BRD10: variants seen among roughly 807,000 people sequenced by gnomAD.
BRD10 encodes bromodomain containing 10.
the BRD10 span, among the ~76,000 whole-genome samples, chr9:5,932,616 T>C: frequency 0.24 from 37,127 of 152,052 alleles, 4,715 homozygotes; most frequent in South Asian, 0.37. Flanking sequence ...CACCATTTTA[T>C]ATAAGGCACT....
chr9:5,908,520 A>C, the BRD10 span: 2 of 852,156 alleles, frequency 2.3e-6, no homozygotes, highest in Non-Finnish European at 3.8e-6. Flanking sequence ...TTATATGGGA[A>C]CACTTAGAAA....
At chr9:5,995,057 G>T in the BRD10 span, among the ~76,000 whole-genome samples, 1 of 151,908 alleles carries the variant, frequency 6.6e-6, no homozygotes, top group Non-Finnish European at 1.5e-5. Flanking sequence ...ATGCCACCAC[G>T]CCCGGCTAAT....
At chr9:5,897,765 T>C in the BRD10 span, 1 of 935,438 alleles carries the variant, frequency 1.1e-6, no homozygotes, top group Non-Finnish European at 1.7e-6. Flanking sequence ...CCTTCAGCTC[T>C]GATTCCGGCT....
the BRD10 span, chr9:6,007,343 C>T: frequency 1.2e-6 from 2 of 1,613,632 alleles, no homozygotes; most frequent in East Asian, 2.2e-5. Flanking sequence ...CCGTACTGGC[C>T]GCTGGCGAAC....
At chr9:5,880,310 G>C in the BRD10 span, among the ~76,000 whole-genome samples, 3 of 150,282 alleles carry the variant, frequency 2.0e-5, no homozygotes, top group Non-Finnish European at 3.0e-5. Flanking sequence ...TGAAGAGTTA[G>C]AGACCAGCCG....
At chr9:5,995,987 G>A in the BRD10 span, among the ~76,000 whole-genome samples, 1 of 152,108 alleles carries the variant, frequency 6.6e-6, no homozygotes, top group Non-Finnish European at 1.5e-5. Flanking sequence ...AACTGGGAAG[G>A]AGATTTGGGC....
the BRD10 span, among the ~76,000 whole-genome samples, chr9:5,940,417 A>T: frequency 0.052 from 7,929 of 151,496 alleles, 600 homozygotes; most frequent in African/African-American, 0.16. Context: ...CTGGTCTCGA[A>T]CTCCCAACCT....
At chr9:6,006,773 T>A in the BRD10 span, among the ~76,000 whole-genome samples, 1 of 152,216 alleles carries the variant, frequency 6.6e-6, no homozygotes, top group Non-Finnish European at 1.5e-5. Context: ...TTAAGACACC[T>A]TTTTACATAA....
At chr9:5,973,732 A>C in the BRD10 span, among the ~76,000 whole-genome samples, 1 of 151,986 alleles carries the variant, frequency 6.6e-6, no homozygotes, top group African/African-American at 2.4e-5. Flanking sequence ...CTTAAAAAAA[A>C]CGGGCCTGGT....
chr9:6,001,322 T>G, the BRD10 span, among the ~76,000 whole-genome samples: 1 of 127,736 alleles, frequency 7.8e-6, no homozygotes, highest in East Asian at 2.4e-4. Context: ...CGTTACTCCC[T>G]TAGTCGCAAC....
the BRD10 span, among the ~76,000 whole-genome samples, chr9:5,941,507 C>T: frequency 6.6e-6 from 1 of 152,142 alleles, no homozygotes; most frequent in Non-Finnish European, 1.5e-5. Context: ...TTCAGTACCA[C>T]AGGATCTAAA....
At chr9:5,984,672 G>C in the BRD10 span, among the ~76,000 whole-genome samples, 1 of 152,166 alleles carries the variant, frequency 6.6e-6, no homozygotes, top group Admixed American at 6.5e-5. Flanking sequence ...ACTAAAGTTT[G>C]TATTTCTAGA....
the BRD10 span, among the ~76,000 whole-genome samples, chr9:5,995,558 A>T: frequency 2.0e-5 from 3 of 152,252 alleles, no homozygotes; most frequent in African/African-American, 7.2e-5. Context: ...TTTCATTCAC[A>T]TCTCAATCTA....
chr9:5,975,575 G>A, the BRD10 span, among the ~76,000 whole-genome samples: 3 of 151,832 alleles, frequency 2.0e-5, no homozygotes, highest in East Asian at 3.9e-4. Context: ...CTACACTTTT[G>A]GAGATAAAAA....
the BRD10 span, among the ~76,000 whole-genome samples, chr9:5,911,395 G>C: frequency 4.8e-5 from 6 of 124,420 alleles, no homozygotes; most frequent in East Asian, 1.3e-3. Context: ...TGTTTCATTG[G>C]TCTATGTGTG....
the BRD10 span, among the ~76,000 whole-genome samples, chr9:5,943,504 C>T: frequency 6.6e-6 from 1 of 151,322 alleles, no homozygotes; most frequent in African/African-American, 2.4e-5. Flanking sequence ...ACTATTCCTT[C>T]CCATTAAGGA....
chr9:5,957,404 A>C, the BRD10 span, among the ~76,000 whole-genome samples: 2 of 152,184 alleles, frequency 1.3e-5, no homozygotes, highest in African/African-American at 4.8e-5. Flanking sequence ...CCAAGCTCCA[A>C]GTGACATACT....
chr9:5,995,979 C>G, the BRD10 span, among the ~76,000 whole-genome samples: 4 of 152,010 alleles, frequency 2.6e-5, no homozygotes, highest in Non-Finnish European at 1.5e-5. Flanking sequence ...AACAGGAAAA[C>G]TGGGAAGGAG....
chr9:5,890,209 C>G, the BRD10 span, among the ~76,000 whole-genome samples: 1 of 152,122 alleles, frequency 6.6e-6, no homozygotes, highest in Non-Finnish European at 1.5e-5. Context: ...TGAGATATGC[C>G]TCCCTCAAAC....
Sources: allele counts gnomAD v4.1 joint callset (sites outside exome capture counted in the v4.1 genomes callset), GRCh38; gene constraint gnomAD v4.1.1; transcripts MANE v1.5; gene names NCBI Gene and HGNC (gene_info 2026-07-23, HGNC 2026-07-21).